Variants in TRPM6 observed in about 807,000 individuals in gnomAD.
The protein encoded by TRPM6 is channel kinase 2.
In TRPM6, 111 loss-of-function variants were observed where a neutral mutation model predicts 247.6. The ratio of observed to expected loss-of-function variants is 0.45; its 90% CI spans 0.38 to 0.52. The LOEUF (loss-of-function observed/expected upper bound fraction) is 0.52. TRPM6 is among the 20% of genes least tolerant of loss of function. The pLI, the probability that TRPM6 is intolerant of heterozygous loss-of-function variation, is 0.00. For synonymous variants in TRPM6, 892 were observed against 853.8 expected (o/e 1.04, Z -0.78); for missense variants, 2,126 against 2,421.5 (o/e 0.88, Z 2.56).
At position 74,762,145 on chromosome 9, in the gene TRPM6, C is replaced by T. The variant is rs751120488; in HGVS notation, c.4526G>A (p.Ser1509Asn). The T allele has an allele frequency of 6.2e-7, 1 of 1,614,194 alleles. No homozygotes were observed. Among genetic ancestry groups the T allele is most frequent in the South Asian group, 1.1e-5 (1 of 91,082 alleles). The change falls in exon 26 of 39, where the codon AGT (serine) becomes AAT (asparagine). Residue 1509 changes from serine to asparagine, a missense_variant. Ser to Asn is a conservative substitution (Grantham distance 46). Around this residue, in one of 3 missense-constraint regions of TRPM6, gnomAD observed 717 missense variants for 715.9 expected, o/e 1.00. Coordinates refer to ENST00000360774, the MANE Select transcript of TRPM6 (RefSeq NM_017662.5). ...TGGTCCCACCTCTGAGCATTCACTA[C>T]TCTGGGCCGATCTTGTTGAGTTATC... ...LSDNSTRSAQ[S>N]SECSEVGPWL...
At chr9:74,730,668 T>A (rs1257334885) in intron 37 of TRPM6, among the ~76,000 whole-genome samples, 1 of 152,232 alleles carries the variant, frequency 6.6e-6, no homozygotes, top group African/African-American at 2.4e-5. Flanking sequence ...ATTTTGCATG[T>A]CTAACCATCT....
chr9:74,846,893 T>C (rs1830127031), intron 3 of TRPM6, among the ~76,000 whole-genome samples: 1 of 152,178 alleles, frequency 6.6e-6, no homozygotes, highest in Non-Finnish European at 1.5e-5. Context: ...AGAAATTATC[T>C]TCATCTATTA....
chr9:74,745,954 G>C (rs1396076531), intron 31 of TRPM6, among the ~76,000 whole-genome samples: 1 of 152,164 alleles, frequency 6.6e-6, no homozygotes, highest in Non-Finnish European at 1.5e-5. Context: ...CTTAAAAATG[G>C]TATTATGGCC....
chr9:74,762,881 T>G lies in TRPM6; in HGVS notation c.3790A>C (p.Ser1264Arg). The G allele has an allele frequency of 6.2e-7, 1 of 1,613,640 alleles. No individual in the cohort carries two copies. Among genetic ancestry groups the G allele is most frequent in the East Asian group, 2.2e-5 (1 of 44,880 alleles). The change falls in exon 26 of 39, where the codon AGC becomes CGC. Residue 1264 changes from serine to arginine, a missense_variant. By Grantham distance (110) the Ser-to-Arg change is moderately radical. Transcript: ENST00000360774. Reference sequence around the variant, plus strand: ...TTCTTCTCTCCAGCGATCTCCATGCTGCCTAGAACCTCTGCACAGATGACA... The same window carrying G: ...TTCTTCTCTCCAGCGATCTCCATGCGGCCTAGAACCTCTGCACAGATGACA... Reference protein sequence around the residue: ...SNVICAEVLGSMEIAGEKKYQ... With the variant: ...SNVICAEVLGRMEIAGEKKYQ...
At chr9:74,805,296 G>A (rs1299935986) in intron 14 of TRPM6, among the ~76,000 whole-genome samples, 1 of 152,038 alleles carries the variant, frequency 6.6e-6, no homozygotes, top group Non-Finnish European at 1.5e-5. Flanking sequence ...AAGATCATCC[G>A]CAAACCTATG....
intron 1 of TRPM6, among the ~76,000 whole-genome samples, chr9:74,877,855 G>C (rs1831239871): frequency 1.3e-5 from 2 of 152,136 alleles, no homozygotes; most frequent in African/African-American, 4.8e-5. Context: ...CTCCAACTCA[G>C]GCATTCCACC....
intron 1 of TRPM6, among the ~76,000 whole-genome samples, chr9:74,872,055 G>T (rs976583565): frequency 6.6e-6 from 1 of 151,994 alleles, no homozygotes; most frequent in Non-Finnish European, 1.5e-5. Flanking sequence ...GTTTCACTAT[G>T]TTGGCCAGGC....
Position 74,807,580 on chromosome 9 carries a change from A to G in TRPM6, c.1638+454T>C, listed in dbSNP as rs567035114. Among the ~76,000 whole-genome samples, 3 of 152,322 alleles carry G rather than the reference A, an allele frequency of 2.0e-5. No individual in the cohort carries two copies. In the South Asian group the frequency reaches 6.2e-4, roughly 32 times the overall value. The stretch of plus-strand genomic sequence containing the variant: ...ATGTTTTTAAGGATATTCTACACGC[A>G]TCTTTCAATATAATCACTACATGCT... On this transcript the variant is annotated intron_variant, in intron 14 of 38. Transcript: ENST00000360774.
At chr9:74,869,464 A>G (rs1029905179) in intron 1 of TRPM6, among the ~76,000 whole-genome samples, 9 of 152,090 alleles carry the variant, frequency 5.9e-5, no homozygotes, top group Non-Finnish European at 1.3e-4. Flanking sequence ...AAAAAAAAAA[A>G]AAAAAGAAAC....
At chr9:74,867,660 C>T (rs1381289787) in intron 1 of TRPM6, among the ~76,000 whole-genome samples, 2 of 152,174 alleles carry the variant, frequency 1.3e-5, no homozygotes, top group African/African-American at 4.8e-5. Flanking sequence ...ACCACACCCA[C>T]CCTCCAGAAG....
intron 25 of TRPM6, 90 bp from the exon 26 acceptor site, chr9:74,763,224 T>A: frequency 4.7e-6 from 6 of 1,281,374 alleles, no homozygotes; most frequent in Non-Finnish European, 6.7e-6. Context: ...CTTAAATGGC[T>A]CCTGAGCCTC....
intron 17 of TRPM6, among the ~76,000 whole-genome samples, chr9:74,798,302 C>T (rs7864918): frequency 0.23 from 34,584 of 150,646 alleles, 4,337 homozygotes; most frequent in African/African-American, 0.33. Context: ...TCTTTTGTCA[C>T]CCTGTTTTAA....
chr9:74,836,358 A>G (rs963774810), intron 5 of TRPM6, among the ~76,000 whole-genome samples: 1 of 152,208 alleles, frequency 6.6e-6, no homozygotes, highest in Non-Finnish European at 1.5e-5. Flanking sequence ...AATAACCTGC[A>G]TATGGCATGG....
At chr9:74,790,035 T>TGTGTGTGTGG (rs1554703849) in intron 19 of TRPM6, among the ~76,000 whole-genome samples, 1 of 144,622 alleles carries the variant, frequency 6.9e-6, no homozygotes, top group East Asian at 2.1e-4. Context: ...TGTGTGTGTG[T>TGTGTGTGTGG]GGGTTCATTC....
At chr9:74,807,315 T>C (rs1828559049) in intron 14 of TRPM6, among the ~76,000 whole-genome samples, 1 of 152,166 alleles carries the variant, frequency 6.6e-6, no homozygotes, top group African/African-American at 2.4e-5. Flanking sequence ...GAAACATACC[T>C]GAATATCCAA....
At chr9:74,747,796 T>C in intron 31 of TRPM6, 93 bp downstream of exon 31, 3 of 1,123,908 alleles carry the variant, frequency 2.7e-6, no homozygotes, top group Non-Finnish European at 3.9e-6. Context: ...ATAAATACAA[T>C]TTCAAGAATG....
At chr9:74,826,374 T>C (rs551127947) in intron 7 of TRPM6, among the ~76,000 whole-genome samples, 21 of 152,236 alleles carry the variant, frequency 1.4e-4, no homozygotes, top group African/African-American at 4.1e-4. Flanking sequence ...TTCCAGTCTT[T>C]CATTTTTTCA....
intron 3 of TRPM6, among the ~76,000 whole-genome samples, chr9:74,849,351 CAA>C (rs11333236): frequency 0.012 from 858 of 69,412 alleles, 4 homozygotes; most frequent in African/African-American, 0.035. Flanking sequence ...AACTTCATCT[CAA>C]AAAAAAAAAA....
chr9:74,854,391 T>C (rs1830459315), intron 3 of TRPM6, among the ~76,000 whole-genome samples: 1 of 152,226 alleles, frequency 6.6e-6, no homozygotes, highest in South Asian at 2.1e-4. Flanking sequence ...ATTATATTCT[T>C]ATTTTGCTTT....
Sources: gnomAD v4.1 joint callset for allele counts (sites outside exome capture counted in the v4.1 genomes callset) on GRCh38, gnomAD v4.1.1 for gene constraint, gnomAD v4.1.1 regional missense constraint, MANE v1.5 for transcripts, NCBI Gene and HGNC (gene_info 2026-07-23, HGNC 2026-07-21) for gene names.